The following PMFBP1 variants were observed in gnomAD, a reference collection of about 807,000 sequenced individuals.
PMFBP1 encodes polyamine-modulated factor 1-binding protein 1.
PMFBP1 carries 131 observed loss-of-function variants against 137.8 expected under a neutral mutation model. The observed-to-expected ratio is 0.95, with a 90% CI of 0.82 to 1.10. PMFBP1 has a LOEUF of 1.10. PMFBP1 is among the 50% of genes least tolerant of loss of function. The probability of loss-of-function intolerance (pLI) is 0.00; values close to 1 mark genes in which losing one functional copy is unlikely to be tolerated. For synonymous variants in PMFBP1, 490 were observed against 450.4 expected, an observed-to-expected ratio of 1.09 and a Z score of -1.11; for missense variants, 1,199 against 1,175.4, an observed-to-expected ratio of 1.02 and a Z score of -0.29.
intron 10 of PMFBP1, among the ~76,000 whole-genome samples, chr16:72,132,279 G>A (rs2042560551): frequency 6.6e-6 from 1 of 152,186 alleles, no homozygotes; most frequent in South Asian, 2.1e-4. Flanking sequence ...GAAGCTATTG[G>A]TGACCTCTGA....
chr16:72,246,888 T>G, the PMFBP1 span, among the ~76,000 whole-genome samples: 6 of 152,110 alleles, frequency 3.9e-5, no homozygotes, highest in Admixed American at 6.6e-5. Flanking sequence ...CCTGAAACTA[T>G]AAAGCAGTAT....
chr16:72,200,997 CCTGGACAA>C, the PMFBP1 span, among the ~76,000 whole-genome samples: 1 of 152,186 alleles, frequency 6.6e-6, no homozygotes, highest in East Asian at 1.9e-4. Flanking sequence ...TGACTCTCTG[CCTGGACAA>C]CTGTCCACTT....
At chr16:72,145,321 C>T (rs1050664950) in intron 5 of PMFBP1, among the ~76,000 whole-genome samples, 4 of 152,164 alleles carry the variant, frequency 2.6e-5, no homozygotes, top group African/African-American at 7.2e-5. Context: ...TAAAGATGTT[C>T]TTTGAAACCA....
the PMFBP1 span, among the ~76,000 whole-genome samples, chr16:72,196,784 C>T: frequency 6.6e-6 from 1 of 152,192 alleles, no homozygotes; most frequent in Non-Finnish European, 1.5e-5. Context: ...TGCCATTCTG[C>T]ACCAATAATG....
At chr16:72,195,691 T>C in the PMFBP1 span, among the ~76,000 whole-genome samples, 1 of 152,252 alleles carries the variant, frequency 6.6e-6, no homozygotes, top group Non-Finnish European at 1.5e-5. Flanking sequence ...ATGTGGATAA[T>C]TGATCTTGTT....
the PMFBP1 span, among the ~76,000 whole-genome samples, chr16:72,193,648 C>A: frequency 6.7e-6 from 1 of 150,018 alleles, no homozygotes; most frequent in Non-Finnish European, 1.5e-5. Flanking sequence ...AATTTAAAAT[C>A]ATTGATACCT....
chr16:72,206,514 C>T, the PMFBP1 span, among the ~76,000 whole-genome samples: 1 of 152,190 alleles, frequency 6.6e-6, no homozygotes, highest in Admixed American at 6.5e-5. Flanking sequence ...CTTTGTAATG[C>T]GCATTTACAT....
At chr16:72,124,630 G>C in intron 17 of PMFBP1, 137 bp downstream of exon 17, 1 of 1,056,260 alleles carries the variant, frequency 9.5e-7, no homozygotes, top group Non-Finnish European at 1.4e-6. Flanking sequence ...CTCTTGCTTT[G>C]TGCTAAATGG....
chr16:72,203,292 A>C, the PMFBP1 span, among the ~76,000 whole-genome samples: 1 of 152,230 alleles, frequency 6.6e-6, no homozygotes, highest in African/African-American at 2.4e-5. Flanking sequence ...AAGTTGCTCT[A>C]AACACCCTGG....
chr16:72,222,140 G>A, the PMFBP1 span, among the ~76,000 whole-genome samples: 3 of 152,160 alleles, frequency 2.0e-5, no homozygotes, highest in East Asian at 5.8e-4. Flanking sequence ...TTTTGGTTTG[G>A]TTGGTTGGGT....
At chr16:72,176,325 C>T (rs1444098946), upstream of PMFBP1, among the ~76,000 whole-genome samples, 2 of 152,208 alleles carry the variant, frequency 1.3e-5, no homozygotes, top group Admixed American at 1.3e-4. Context: ...TGGCTCTCTT[C>T]TTTGCTACCT....
At chr16:72,174,822 C>T (rs2043251896), upstream of PMFBP1, among the ~76,000 whole-genome samples, 1 of 152,178 alleles carries the variant, frequency 6.6e-6, no homozygotes, top group Admixed American at 6.5e-5. Context: ...GATTCAATTA[C>T]CTCCCACCAG....
chr16:72,244,528 C>T, the PMFBP1 span, among the ~76,000 whole-genome samples: 1 of 152,168 alleles, frequency 6.6e-6, no homozygotes, highest in South Asian at 2.1e-4. Context: ...TGAAGAATTG[C>T]CATAATTGCA....
intron 14 of PMFBP1, among the ~76,000 whole-genome samples, chr16:72,127,060 GGAAGC>G (rs1353666349): frequency 6.6e-6 from 1 of 152,176 alleles, no homozygotes; most frequent in Non-Finnish European, 1.5e-5. Context: ...TTCTGAGTCT[GGAAGC>G]CAGAGGGAGA....
At chr16:72,152,788 A>T (rs7200003) in intron 4 of PMFBP1, among the ~76,000 whole-genome samples, 89,250 of 149,268 alleles carry the variant, frequency 0.6, 27,524 homozygotes, top group African/African-American at 0.75. Flanking sequence ...GAGGTTGCAG[A>T]GAGCCAAGAT....
At chr16:72,193,006 A>G in the PMFBP1 span, among the ~76,000 whole-genome samples, 1 of 152,178 alleles carries the variant, frequency 6.6e-6, no homozygotes, top group South Asian at 2.1e-4. Context: ...ATTGAGTGGG[A>G]AAAAAGCAGC....
the PMFBP1 span, among the ~76,000 whole-genome samples, chr16:72,207,656 G>A: frequency 6.6e-6 from 1 of 151,746 alleles, no homozygotes; most frequent in African/African-American, 2.4e-5. Flanking sequence ...GAAAACCACT[G>A]GTGACATTTG....
At chr16:72,158,461 G>T (rs1182962219) in intron 3 of PMFBP1, among the ~76,000 whole-genome samples, 1 of 152,142 alleles carries the variant, frequency 6.6e-6, no homozygotes, top group East Asian at 1.9e-4. Flanking sequence ...AGAGAAGAGA[G>T]TTGGGAGTGG....
the PMFBP1 span, among the ~76,000 whole-genome samples, chr16:72,248,596 G>A: frequency 6.6e-6 from 1 of 152,290 alleles, no homozygotes; most frequent in Admixed American, 6.5e-5. Context: ...TAATGATTCA[G>A]ACCAAAACAA....
Sources: gnomAD v4.1 joint callset for allele counts (sites outside exome capture counted in the v4.1 genomes callset) on GRCh38, gnomAD v4.1.1 for gene constraint, MANE v1.5 for transcripts, NCBI Gene and HGNC (gene_info 2026-07-23, HGNC 2026-07-21) for gene names.